The following NPNT variants were observed in gnomAD, a reference collection of about 807,000 sequenced individuals.
The protein encoded by NPNT is nephronectin, also known as preosteoblast EGF-like repeat protein with MAM domain.
In NPNT, 45 loss-of-function variants were observed where a neutral mutation model predicts 68.6. The observed-to-expected ratio is 0.66, with a 90% CI of 0.52 to 0.84. The LOEUF (loss-of-function observed/expected upper bound fraction) is 0.84. Ranked by LOEUF, NPNT falls within the 40% of genes least tolerant of loss-of-function variation. NPNT has a pLI of 0.00. For synonymous variants in NPNT, 233 were observed against 253.3 expected (o/e 0.92, Z 0.76); for missense variants, 672 against 714.8 (o/e 0.94, Z 0.68).
Position 105,936,609 on chromosome 4 carries a change from G to A in NPNT, c.266-400G>A, listed in dbSNP as rs150456696. 3.9e-3 allele frequency among the ~76,000 whole-genome samples: 587 copies of A among 152,324 alleles called. 5 individuals are homozygous for A. Among genetic ancestry groups the A allele is most frequent in the African/African-American group, 0.014 (568 of 41,578 alleles). On this transcript the variant is annotated intron_variant, in intron 3 of 11. Coordinates refer to ENST00000379987, the MANE Select transcript of NPNT (RefSeq NM_001033047.3). ...AAACAGAGAAAGGAAGACATTGAACGAATAGGGTTACATTGTCAGGATTGG... is the reference window on the plus strand; with the variant it reads ...AAACAGAGAAAGGAAGACATTGAACAAATAGGGTTACATTGTCAGGATTGG...
intron 2 of NPNT, among the ~76,000 whole-genome samples, chr4:105,904,478 C>A (rs1391194639): frequency 2.0e-5 from 3 of 152,136 alleles, no homozygotes; most frequent in African/African-American, 4.8e-5. Flanking sequence ...CCTCTGACAA[C>A]TCAGTGAATG....
intron 8 of NPNT, among the ~76,000 whole-genome samples, chr4:105,951,425 C>G (rs530178304): frequency 5.3e-5 from 8 of 152,328 alleles, no homozygotes; most frequent in African/African-American, 1.9e-4. Context: ...CCCCTCATCT[C>G]TCTTCTACAG....
At chr4:105,910,986 G>A (rs1043999919) in intron 2 of NPNT, among the ~76,000 whole-genome samples, 3 of 152,034 alleles carry the variant, frequency 2.0e-5, no homozygotes, top group East Asian at 1.9e-4. Context: ...CTCAAAATTG[G>A]CAATTAAAGA....
At chr4:105,948,022 A>G (rs1403498429) in intron 8 of NPNT, among the ~76,000 whole-genome samples, 1 of 152,138 alleles carries the variant, frequency 6.6e-6, no homozygotes, top group Non-Finnish European at 1.5e-5. Flanking sequence ...AATTTTTTTC[A>G]TTCTAAGTAA....
intron 2 of NPNT, among the ~76,000 whole-genome samples, chr4:105,913,113 G>A (rs766080601): frequency 1.2e-4 from 18 of 151,990 alleles, no homozygotes; most frequent in Non-Finnish European, 1.9e-4. Context: ...GTGATCTGCC[G>A]GCCTCGGCCT....
Position 105,967,325 on chromosome 4 carries a change from G to A in NPNT, c.1483G>A (p.Gly495Ser). 6.2e-7 allele frequency: 1 copy of A among 1,613,494 alleles called. No individual in the cohort carries two copies. Among genetic ancestry groups the A allele is most frequent in the African/African-American group, 1.3e-5 (1 of 75,012 alleles). ...FRHKVTGLHS[G>S]TLQVFVRKHG... is the part of the protein sequence containing the mutation. ...GCACAAGGTGACGGGGCTGCACTCT[G>A]GCACACTCCAGGTGTTTGTGAGAAA... The change falls in exon 11 of 12, where the codon GGC becomes AGC. Residue 495 changes from glycine (G) to serine (S), a missense_variant. Transcript: ENST00000379987.
chr4:105,967,158 A>G (rs1169731337), intron 10 of NPNT, 30 bp from the exon 11 acceptor site: 2 of 1,611,292 alleles, frequency 1.2e-6, no homozygotes, highest in East Asian at 2.2e-5. Context: ...ATATTGGCAC[A>G]TACACACAGC....
Position 105,907,134 on chromosome 4 carries a change from A to T in NPNT, c.172+9133A>T, listed in dbSNP as rs868447624. Among the ~76,000 whole-genome samples the T allele has an allele frequency of 6.6e-5, 10 of 152,240 alleles. 1 individual carries two copies. The South Asian group carries it at 2.1e-3, about 32-fold the overall frequency. On this transcript the variant is annotated intron_variant, in intron 2 of 11. Transcript: ENST00000379987. ...ATATAAGTTGCTTAGACCTGAACAG[A>T]CTCAAAGCAGAGTCTGTAGGAAATA...
In NPNT at chr4:105,926,049, T is replaced by C. The variant is rs1219049104; in HGVS notation, c.173-1287T>C. ...TCTCTTTAGCTTAATGAGTCCCCTGTGTATCTCCCAACTAAACAGCGGCTT... is the reference window on the plus strand; with the variant it reads ...TCTCTTTAGCTTAATGAGTCCCCTGCGTATCTCCCAACTAAACAGCGGCTT... On this transcript the variant is annotated intron_variant, in intron 2 of 11. Coordinates refer to ENST00000379987, the MANE Select transcript of NPNT (RefSeq NM_001033047.3). Among the ~76,000 whole-genome samples, 3 of 152,192 alleles carry C rather than the reference T, an allele frequency of 2.0e-5. No homozygotes were observed. In the East Asian group the frequency reaches 5.8e-4, roughly 29 times the overall value.
intron 2 of NPNT, among the ~76,000 whole-genome samples, chr4:105,920,176 T>C (rs1256537671): frequency 6.6e-6 from 1 of 151,844 alleles, no homozygotes; most frequent in East Asian, 1.9e-4. Context: ...CCAAATCTAG[T>C]CAGTGGAACT....
At chr4:105,943,897 C>T (rs1216952914) in intron 8 of NPNT, among the ~76,000 whole-genome samples, 1 of 152,128 alleles carries the variant, frequency 6.6e-6, no homozygotes, top group Non-Finnish European at 1.5e-5. Flanking sequence ...ATCGCTTGAG[C>T]CTAGGAGGTT....
intron 2 of NPNT, among the ~76,000 whole-genome samples, chr4:105,898,505 A>G (rs1046514769): frequency 6.6e-6 from 1 of 152,186 alleles, no homozygotes; most frequent in African/African-American, 2.4e-5. Context: ...ACCTTAGAGT[A>G]CTTATATAAT....
chr4:105,940,530 A>G lies in NPNT; in HGVS notation c.657A>G (p.Ser219=). 1 of 1,612,994 alleles carries G rather than the reference A, an allele frequency of 6.2e-7. No individual in the cohort carries two copies. The highest frequency in any genetic ancestry group is 1.1e-5 in the South Asian group (1 of 91,014). The part of the protein sequence containing the change: ...KYQCHDIDEC[S]LGQYQCSSFA... The stretch of plus-strand genomic sequence containing the variant: ...CTGATGCAGACATAGACGAATGCTC[A>G]CTTGGTCAGTATCAGTGCAGCAGCT... The change falls in exon 7 of 12, where the codon TCA becomes TCG. Residue 219 remains serine, a synonymous_variant. Transcript: ENST00000379987.
intron 8 of NPNT, among the ~76,000 whole-genome samples, chr4:105,947,210 C>T (rs964030012): frequency 6.6e-6 from 1 of 152,148 alleles, no homozygotes; most frequent in Non-Finnish European, 1.5e-5. Context: ...CCCTTGTTCC[C>T]TAAAATCGCT....
chr4:105,938,462 G>A (rs538719321), intron 5 of NPNT, 42 bp downstream of exon 5: 79 of 1,596,134 alleles, frequency 4.9e-5, no homozygotes, highest in Non-Finnish European at 6.7e-5. Context: ...AGCCTCTGTA[G>A]GATAAAGGGA....
In NPNT at chr4:105,938,379, C is replaced by T. The variant is rs759343295; in HGVS notation, c.464C>T (p.Ser155Phe). The change falls in exon 5 of 12, where the codon TCC becomes TTC. Residue 155 changes from serine (S) to phenylalanine (F), a missense_variant. Transcript: ENST00000379987. ...VKGQIRCQCP[S>F]PGLQLAPDGR... ...GGACAAATACGGTGCCAGTGCCCATCCCCTGGCCTGCAGCTGGCTCCTGAT... is the reference window on the plus strand; with the variant it reads ...GGACAAATACGGTGCCAGTGCCCATTCCCTGGCCTGCAGCTGGCTCCTGAT... The T allele has an allele frequency of 6.5e-5, 105 of 1,613,334 alleles. No homozygotes were observed. Among genetic ancestry groups the T allele is most frequent in the Non-Finnish European group, 8.5e-5 (100 of 1,179,548 alleles).
intron 8 of NPNT, among the ~76,000 whole-genome samples, chr4:105,953,091 G>A (rs530728124): frequency 6.6e-6 from 1 of 152,088 alleles, no homozygotes; most frequent in Non-Finnish European, 1.5e-5. Context: ...GCTTGAACCC[G>A]GGAGGCAGAG....
rs144234999 is a variant in NPNT at position 105,922,944 on chromosome 4, A to G, written c.173-4392A>G. Among the ~76,000 whole-genome samples the G allele has an allele frequency of 4.2e-4, 64 of 152,308 alleles. No individual in the cohort carries two copies. In the East Asian group the frequency reaches 0.012, roughly 28 times the overall value. On this transcript the variant is annotated intron_variant, in intron 2 of 11. Coordinates refer to ENST00000379987, the MANE Select transcript of NPNT (RefSeq NM_001033047.3). ...ATTTGGATGCTAGTGATAGCAGACC[A>G]TCAAATACGGCCCAAACTTCTTGTT... is the stretch of plus-strand genomic sequence containing the variant.
At position 105,966,272 on chromosome 4, in the gene NPNT, C is replaced by G. The variant is rs185691961; in HGVS notation, c.1346-916C>G. On this transcript the variant is annotated intron_variant, in intron 10 of 11. Coordinates refer to ENST00000379987, the MANE Select transcript of NPNT (RefSeq NM_001033047.3). The stretch of plus-strand genomic sequence containing the variant: ...TGTACATGGATCAAGTTTCAAAATA[C>G]TACTTGCAACTTTCTCTCTCTTGAG... 2.0e-3 allele frequency among the ~76,000 whole-genome samples: 312 copies of G among 152,282 alleles called. 2 individuals are homozygous for G. The highest frequency in any genetic ancestry group is 6.9e-4 in the Non-Finnish European group (47 of 68,018).
Sources: gnomAD v4.1 joint callset for allele counts (sites outside exome capture counted in the v4.1 genomes callset) on GRCh38, gnomAD v4.1.1 for gene constraint, MANE v1.5 for transcripts, NCBI Gene and HGNC (gene_info 2026-07-23, HGNC 2026-07-21) for gene names.